STRADA: variants seen among roughly 807,000 people sequenced by gnomAD.
STRADA encodes the protein STE20-related kinase adapter protein alpha.
A neutral mutation model predicts 55.0 loss-of-function variants in STRADA; 26 were observed. The ratio of observed to expected loss-of-function variants is 0.47; its 90% CI spans 0.35 to 0.66. The LOEUF (loss-of-function observed/expected upper bound fraction) is 0.66, where lower values mean the gene tolerates loss of function less well. Among genes scored for constraint, STRADA ranks in the 30% least tolerant of loss-of-function variants. The pLI is 0.01. For missense variants in STRADA, 443 were observed against 549.7 expected (o/e 0.81, Z 1.94); for synonymous variants, 197 against 210.9 (o/e 0.93, Z 0.57).
chr17:63,732,632 C>T (rs947892350), intron 1 of STRADA, among the ~76,000 whole-genome samples: 1 of 152,062 alleles, frequency 6.6e-6, no homozygotes, highest in Non-Finnish European at 1.5e-5. Context: ...CCCATCTCTA[C>T]AAAAATATAA....
At chr17:63,704,286 C>T (rs758067652) in intron 11 of STRADA, 55 bp downstream of exon 11, 45 of 1,601,932 alleles carry the variant, frequency 2.8e-5, no homozygotes, top group Non-Finnish European at 3.3e-5. Flanking sequence ...CCTGGCCTTA[C>T]CCTCCTGAGC....
intron 1 of STRADA, among the ~76,000 whole-genome samples, chr17:63,739,193 T>G (rs948396658): frequency 4.9e-5 from 7 of 143,026 alleles, no homozygotes; most frequent in African/African-American, 1.8e-4. Context: ...TGGAGAGAGA[T>G]AGAGATGAGA....
chr17:63,732,037 T>C (rs1232002551), intron 1 of STRADA, among the ~76,000 whole-genome samples: 1 of 151,910 alleles, frequency 6.6e-6, no homozygotes, highest in Non-Finnish European at 1.5e-5. Context: ...GCTAATTTTT[T>C]TTTTGTATTT....
intron 1 of STRADA, among the ~76,000 whole-genome samples, chr17:63,736,842 C>T (rs974835680): frequency 2.2e-5 from 3 of 137,264 alleles, no homozygotes; most frequent in Non-Finnish European, 4.7e-5. Flanking sequence ...CCCCACGCCC[C>T]CCCCACCAAA....
At chr17:63,723,679 G>A (rs2037459347) in intron 3 of STRADA, 1 of 195,808 alleles carries the variant, frequency 5.1e-6, no homozygotes, top group East Asian at 1.2e-4. Flanking sequence ...TATATTTTGT[G>A]AATAAACAAT....
intron 6 of STRADA, among the ~76,000 whole-genome samples, chr17:63,712,916 G>A (rs900918180): frequency 4.0e-5 from 6 of 150,990 alleles, no homozygotes; most frequent in African/African-American, 1.5e-4. Context: ...CAGGAGAATC[G>A]CTTGAACCTG....
intron 4 of STRADA, among the ~76,000 whole-genome samples, chr17:63,722,713 C>T (rs900363141): frequency 6.6e-6 from 1 of 152,164 alleles, no homozygotes; most frequent in African/African-American, 2.4e-5. Context: ...TCCAAAATAG[C>T]TTGGTACACT....
At chr17:63,739,712 A>G (rs1258391454) in intron 1 of STRADA, among the ~76,000 whole-genome samples, 2 of 148,490 alleles carry the variant, frequency 1.3e-5, no homozygotes, top group African/African-American at 2.5e-5. Flanking sequence ...GTATACATAT[A>G]TAATTTTATG....
intron 4 of STRADA, among the ~76,000 whole-genome samples, chr17:63,722,720 C>A (rs1005788360): frequency 6.6e-6 from 1 of 152,180 alleles, no homozygotes; most frequent in South Asian, 2.1e-4. Flanking sequence ...TAGCTTGGTA[C>A]ACTGTGCACA....
chr17:63,724,226 T>G (rs112530861), intron 3 of STRADA, among the ~76,000 whole-genome samples: 1,801 of 151,484 alleles, frequency 0.012, 18 homozygotes, highest in Middle Eastern at 0.021. Context: ...CACTGCAACC[T>G]CCGCCTCCCG....
At chr17:63,708,222 C>T (rs900753568) in intron 8 of STRADA, among the ~76,000 whole-genome samples, 3 of 151,748 alleles carry the variant, frequency 2.0e-5, no homozygotes, top group African/African-American at 7.3e-5. Context: ...GTTGTTGAGA[C>T]AGAGTCTCAC....
Position 63,710,817 on chromosome 17 carries a change from T to G in STRADA, c.368A>C (p.Lys123Thr). 1 of 1,614,156 alleles carries G rather than the reference T, an allele frequency of 6.2e-7. No individual in the cohort carries two copies. Among genetic ancestry groups the G allele is most frequent in the East Asian group, 2.2e-5 (1 of 44,888 alleles). The change falls in exon 7 of 13, where the codon AAA becomes ACA. Residue 123 changes from lysine (K) to threonine (T), a missense_variant. Coordinates refer to ENST00000336174, the MANE Select transcript of STRADA (RefSeq NM_001003787.4). ...CACGATATTGGGATGGTTGAAGAGT[T>G]TGGAGACATGCAGCTCGCCCTGGAA... ...TFLQGELHVS[K>T]LFNHPNIVPY... is the part of the protein sequence containing the mutation.
At chr17:63,739,734 T>C (rs943538849) in intron 1 of STRADA, among the ~76,000 whole-genome samples, 2 of 141,828 alleles carry the variant, frequency 1.4e-5, no homozygotes, top group South Asian at 4.3e-4. Flanking sequence ...GTATATATTA[T>C]GTATACATAT....
intron 4 of STRADA, among the ~76,000 whole-genome samples, chr17:63,720,360 T>TG (rs1284783193): frequency 6.6e-6 from 1 of 151,856 alleles, no homozygotes; most frequent in African/African-American, 2.4e-5. Context: ...TTTTTAGAGA[T>TG]GGGGTCTCAC....
intron 4 of STRADA, among the ~76,000 whole-genome samples, chr17:63,720,048 G>A (rs935142833): frequency 2.0e-5 from 3 of 150,784 alleles, no homozygotes; most frequent in Non-Finnish European, 4.4e-5. Flanking sequence ...TTGAGACAGG[G>A]TCTCACTCTG....
At chr17:63,706,548 A>C (rs3817182) in intron 10 of STRADA, 87 bp downstream of exon 10, 1 of 878,652 alleles carries the variant, frequency 1.1e-6, no homozygotes, top group Non-Finnish European at 1.8e-6. Flanking sequence ...TAGTATTCCT[A>C]GTCTGTGTCC....
At chr17:63,734,459 A>G (rs1159797037) in intron 1 of STRADA, among the ~76,000 whole-genome samples, 5 of 152,144 alleles carry the variant, frequency 3.3e-5, no homozygotes, top group African/African-American at 9.7e-5. Context: ...CCTGGCCAAC[A>G]TGGTGAAAAC....
intron 4 of STRADA, chr17:63,715,313 A>G (rs574363115): frequency 6.6e-6 from 1 of 152,366 alleles, no homozygotes; most frequent in Non-Finnish European, 1.5e-5. Flanking sequence ...TTTCACTAAC[A>G]AAAACGAGGG....
At chr17:63,705,209 C>T (rs1568172898) in intron 10 of STRADA, 4 of 498,652 alleles carry the variant, frequency 8.0e-6, no homozygotes, top group Admixed American at 3.3e-5. Context: ...GCTGCACTAA[C>T]GTGATAGCCA....
Sources: gnomAD v4.1 joint callset for allele counts (sites outside exome capture counted in the v4.1 genomes callset) on GRCh38, gnomAD v4.1.1 for gene constraint, MANE v1.5 for transcripts, NCBI Gene and HGNC (gene_info 2026-07-23, HGNC 2026-07-21) for gene names.